The following EGFR variants were observed in gnomAD, a reference collection of about 807,000 sequenced individuals.
EGFR encodes epidermal growth factor receptor, also known as avian erythroblastic leukemia viral (v-erb-b) oncogene homolog.
EGFR carries 58 observed loss-of-function variants against 143.0 expected under a neutral mutation model. The ratio of observed to expected loss-of-function variants is 0.41; its 90% CI spans 0.33 to 0.50. The LOEUF (loss-of-function observed/expected upper bound fraction) is 0.50. Ranked by LOEUF, EGFR falls within the 20% of genes least tolerant of loss-of-function variation. The pLI is 0.39. For missense variants in EGFR, 1,307 were observed against 1,579.0 expected (o/e 0.83, Z 2.92); for synonymous variants, 613 against 594.4 (o/e 1.03, Z -0.45).
chr7:55,157,113 A>G (rs1377651426), intron 10 of EGFR, among the ~76,000 whole-genome samples: 1 of 152,148 alleles, frequency 6.6e-6, no homozygotes, highest in African/African-American at 2.4e-5. Context: ...CTGAGGGTAG[A>G]GGGAGGGGAC....
At chr7:55,092,112 G>A (rs185718504) in intron 1 of EGFR, among the ~76,000 whole-genome samples, 79 of 152,126 alleles carry the variant, frequency 5.2e-4, no homozygotes, top group Middle Eastern at 6.8e-3. Context: ...TGTTTAATGC[G>A]GGCTACCTCT....
At chr7:55,166,201 C>A in intron 15 of EGFR, 1 of 496,702 alleles carries the variant, frequency 2.0e-6, no homozygotes, top group East Asian at 3.9e-5. Context: ...TTAGCAGAAG[C>A]ACTCTGATTG....
At chr7:55,063,037 C>G (rs1789282952) in intron 1 of EGFR, among the ~76,000 whole-genome samples, 1 of 152,162 alleles carries the variant, frequency 6.6e-6, no homozygotes, top group Admixed American at 6.5e-5. Context: ...AACTCACAGA[C>G]CCCAAAGGCA....
At chr7:55,050,707 G>A (rs941055448) in intron 1 of EGFR, among the ~76,000 whole-genome samples, 1 of 152,104 alleles carries the variant, frequency 6.6e-6, no homozygotes, top group African/African-American at 2.4e-5. Flanking sequence ...GTCATCCTTG[G>A]CTAGGCCTTG....
intron 1 of EGFR, among the ~76,000 whole-genome samples, chr7:55,117,206 G>C (rs1199228615): frequency 6.6e-6 from 1 of 152,224 alleles, no homozygotes; most frequent in Non-Finnish European, 1.5e-5. Context: ...CAAATTTGAA[G>C]GGAAATATAT....
intron 1 of EGFR, among the ~76,000 whole-genome samples, chr7:55,067,162 ACAGCTGCAGGAGCAAAAGTCAGAAAGGT>A (rs559692267): frequency 0.017 from 2,559 of 151,152 alleles, 90 homozygotes; most frequent in African/African-American, 0.06. Flanking sequence ...CTGCGTGAGC[ACAGCTGCAGGAGCAAAAGTCAGAAAGGT>A]CAGCAAAGGA....
chr7:55,084,865 C>T (rs1166749446), intron 1 of EGFR, among the ~76,000 whole-genome samples: 2 of 152,090 alleles, frequency 1.3e-5, no homozygotes, highest in African/African-American at 4.8e-5. Flanking sequence ...GCCATTCATT[C>T]CAGCCTCCAG....
At chr7:55,055,703 C>T (rs1192414691) in intron 1 of EGFR, among the ~76,000 whole-genome samples, 4 of 101,476 alleles carry the variant, frequency 3.9e-5, no homozygotes, top group Admixed American at 1.2e-4. Context: ...CCCTCTTGCA[C>T]GCACACACAC....
intron 1 of EGFR, among the ~76,000 whole-genome samples, chr7:55,073,954 G>A (rs761578864): frequency 2.0e-5 from 3 of 152,320 alleles, no homozygotes; most frequent in Non-Finnish European, 4.4e-5. Context: ...TTCACCTTTA[G>A]AATTTAAAGA....
intron 14 of EGFR, among the ~76,000 whole-genome samples, chr7:55,164,757 G>A (rs1054100327): frequency 5.3e-5 from 8 of 152,278 alleles, no homozygotes; most frequent in African/African-American, 1.7e-4. Context: ...GCTTTTATTT[G>A]AGTTTTGCAA....
intron 1 of EGFR, among the ~76,000 whole-genome samples, chr7:55,140,277 C>T (rs992888960): frequency 6.6e-6 from 1 of 152,066 alleles, no homozygotes; most frequent in African/African-American, 2.4e-5. Context: ...ATGAAAGCAG[C>T]TGCCTGTTTT....
intron 1 of EGFR, among the ~76,000 whole-genome samples, chr7:55,074,082 C>G (rs936976829): frequency 1.3e-5 from 2 of 152,220 alleles, no homozygotes; most frequent in Admixed American, 6.5e-5. Flanking sequence ...GGCTCATTCA[C>G]CACATCTGCC....
At chr7:55,154,325 T>G (rs1448974711) in intron 7 of EGFR, among the ~76,000 whole-genome samples, 173 bp downstream of exon 7, 2 of 152,328 alleles carry the variant, frequency 1.3e-5, no homozygotes, top group East Asian at 3.9e-4. Context: ...AGGGGCTGGC[T>G]TGCTACCGAG....
At chr7:55,056,630 T>C (rs146109324) in intron 1 of EGFR, among the ~76,000 whole-genome samples, 75 of 152,378 alleles carry the variant, frequency 4.9e-4, no homozygotes, top group African/African-American at 1.7e-3. Context: ...ACACGTGTTT[T>C]GTTAGTCTAT....
At chr7:55,038,340 TCAC>T (rs910389809) in intron 1 of EGFR, among the ~76,000 whole-genome samples, 16 of 152,108 alleles carry the variant, frequency 1.1e-4, no homozygotes, top group African/African-American at 3.9e-4. Context: ...TGGAGGAGTC[TCAC>T]CCTGCCTGGA....
At chr7:55,166,412 C>G (rs1336059500) in intron 15 of EGFR, 1 of 516,514 alleles carries the variant, frequency 1.9e-6, no homozygotes, top group Non-Finnish European at 3.8e-6. Flanking sequence ...AGGGTCTTAC[C>G]TTCTCTGTGC....
At chr7:55,187,022 T>C (rs1787168468) in intron 20 of EGFR, among the ~76,000 whole-genome samples, 1 of 152,066 alleles carries the variant, frequency 6.6e-6, no homozygotes, top group Non-Finnish European at 1.5e-5. Context: ...AGGAGGCCTC[T>C]GTGGGTGAGA....
intron 1 of EGFR, among the ~76,000 whole-genome samples, chr7:55,027,143 C>T (rs1173602047): frequency 6.6e-6 from 1 of 152,196 alleles, no homozygotes; most frequent in Non-Finnish European, 1.5e-5. Flanking sequence ...TGCACTTGTC[C>T]TCTGAGGACC....
In EGFR at chr7:55,194,473, G is replaced by A. The variant is rs548290070; in HGVS notation, c.2701+1632G>A. Among the ~76,000 whole-genome samples the A allele has an allele frequency of 3.3e-3, 509 of 152,104 alleles. 3 individuals are homozygous for A. The highest frequency in any genetic ancestry group is 0.01 in the Middle Eastern group (3 of 294). ...GAACTCCTGACCTCATGATCTGCCC[G>A]CCTCGGCCTCCCAAAGTGCATATTT... On this transcript the variant is annotated intron_variant, in intron 22 of 27. Coordinates refer to ENST00000275493, the MANE Select transcript of EGFR (RefSeq NM_005228.5).
Sources: gnomAD v4.1 joint callset for allele counts (sites outside exome capture counted in the v4.1 genomes callset) on GRCh38, gnomAD v4.1.1 for gene constraint, MANE v1.5 for transcripts, NCBI Gene and HGNC (gene_info 2026-07-23, HGNC 2026-07-21) for gene names.